XPNPEP2: variants seen among roughly 807,000 people sequenced by gnomAD.
XPNPEP2 encodes X-prolyl aminopeptidase 2, also known as xaa-Pro aminopeptidase 2.
In XPNPEP2, 64 loss-of-function variants were observed where a neutral mutation model predicts 59.8. The ratio of observed to expected loss-of-function variants is 1.07; its 90% CI spans 0.87 to 1.32. XPNPEP2 has a LOEUF of 1.32. XPNPEP2 is among the 40% of genes most tolerant of loss of function. The pLI, the probability that XPNPEP2 is intolerant of heterozygous loss-of-function variation, is 0.00. For synonymous variants in XPNPEP2, 235 were observed against 210.0 expected (o/e 1.12, Z -1.03); for missense variants, 575 against 546.8 (o/e 1.05, Z -0.51).
rs1412021009 is a variant in XPNPEP2, at chrX:129,769,165, G to T, written c.*680G>T. On this transcript the variant is annotated 3_prime_UTR_variant, in exon 21 of 21. Transcript: ENST00000371106. ...TATTCTAGACTTCCCTGGCATTCGA[G>T]GAGCCCTTTGAACTTTCCAAAGTGC... 8.9e-6 allele frequency: 1 copy of T among 112,513 alleles called. No individual in the cohort carries two copies. Among genetic ancestry groups the T allele is most frequent in the Non-Finnish European group, 1.9e-5 (1 of 53,288 alleles). The allele number at this position is 112,513 out of a possible 1,213,427, so 9.3% of individuals were successfully genotyped here.
Position 129,754,475 on chromosome X carries a change from C to A in XPNPEP2, c.1111C>A (p.Arg371=). Residue 371 remains arginine, a synonymous_variant, in exon 12 of 21, where the codon CGG becomes AGG. Coordinates refer to ENST00000371106, the MANE Select transcript of XPNPEP2 (RefSeq NM_003399.6). ...TTCCCTGCTTCCCCAACTCCAGGTG[C>A]GGGACGCTGTGGCTGTGATCCGGTA... ...EQALLKASHV[R]DAVAVIRYLV... is the part of the protein sequence containing the mutation. 3.4e-6 allele frequency: 4 copies of A among 1,179,216 alleles called. No individual in the cohort carries two copies. The highest frequency in any genetic ancestry group is 4.5e-6 in the Non-Finnish European group (4 of 880,058).
chrX:129,759,134 G>T, intron 14 of XPNPEP2, 46 bp from the exon 15 acceptor site: 1 of 1,206,453 alleles, frequency 8.3e-7, no homozygotes, highest in Non-Finnish European at 1.1e-6. Context: ...CATGGCCCCA[G>T]TCCCTAGCCC....
rs146003669 is a variant in XPNPEP2 at position 129,762,209 on chromosome X, C to T, written c.1663+144C>T. 281 of 603,166 alleles carry T rather than the reference C, an allele frequency of 4.7e-4. 1 individual carries two copies. The highest frequency in any genetic ancestry group is 3.7e-3 in the African/African-American group (169 of 45,172). The allele number at this position is 603,166 out of a possible 1,213,427, so 49.7% of individuals were successfully genotyped here. A position where few individuals can be genotyped will look rare whatever the true frequency, so the allele number is the denominator to read the frequency against. On this transcript the variant is annotated intron_variant, in intron 18 of 20. Coordinates refer to ENST00000371106, the MANE Select transcript of XPNPEP2 (RefSeq NM_003399.6). ...ACTCACCTCCCCATTCCCACCGCTA[C>T]GCCCAGCCCCAAATGGCTTGTCCCA...
chrX:129,763,410 G>A (rs1177218266), intron 19 of XPNPEP2, among the ~76,000 whole-genome samples: 2 of 112,521 alleles, frequency 1.8e-5, no homozygotes, highest in African/African-American at 6.5e-5. Context: ...CCTCATGCCT[G>A]TAATCCCAGC....
intron 15 of XPNPEP2, 82 bp from the exon 16 acceptor site, chrX:129,760,430 C>A (rs767446901): frequency 1.9e-6 from 2 of 1,030,418 alleles, no homozygotes; most frequent in African/African-American, 3.7e-5. Flanking sequence ...GGCCCTGCAC[C>A]GTGTATCCAT....
In XPNPEP2 at chrX:129,768,886, C is replaced by T. The variant is rs942501087; in HGVS notation, c.*401C>T. 3.3e-5 allele frequency: 4 copies of T among 120,123 alleles called. No homozygotes were observed. Among genetic ancestry groups the T allele is most frequent in the Non-Finnish European group, 5.1e-5 (3 of 58,860 alleles). The allele number at this position is 120,123 out of a possible 1,213,427, so 9.9% of individuals were successfully genotyped here. ...CTACCACCCAAGGGTGCCATGGTCC[C>T]GGGAGAGCCCAAACCTATCACCACC... On this transcript the variant is annotated 3_prime_UTR_variant, in exon 21 of 21. Coordinates refer to ENST00000371106, the MANE Select transcript of XPNPEP2 (RefSeq NM_003399.6).
At chrX:129,743,364 G>A (rs1482836311) in intron 2 of XPNPEP2, among the ~76,000 whole-genome samples, 1 of 112,155 alleles carries the variant, frequency 8.9e-6, no homozygotes, top group African/African-American at 3.2e-5. Flanking sequence ...TCTGCCATTT[G>A]GGACCAGTGG....
Position 129,752,132 on chromosome X carries a change from T to G in XPNPEP2, c.822-18T>G. ...TAGCAGATGCTCAGGACCCTCCTTGTCTTCCCACCCCACCCAGGTTGTTTG... is the reference window on the plus strand; with the variant it reads ...TAGCAGATGCTCAGGACCCTCCTTGGCTTCCCACCCCACCCAGGTTGTTTG... On this transcript the variant is annotated intron_variant, in intron 9 of 20. Coordinates refer to ENST00000371106, the MANE Select transcript of XPNPEP2 (RefSeq NM_003399.6). 1 of 1,206,140 alleles carries G rather than the reference T, an allele frequency of 8.3e-7. No homozygotes were observed.
chrX:129,742,040 G>A, intron 1 of XPNPEP2, 68 bp from the exon 2 acceptor site: 1 of 1,074,359 alleles, frequency 9.3e-7, no homozygotes, highest in Admixed American at 2.2e-5. Flanking sequence ...GGGCTGAGAG[G>A]ATACTCCTTC....
chrX:129,751,634 G>A lies in XPNPEP2; in HGVS notation c.740-111G>A, dbSNP rs1198850284. 3.5e-4 allele frequency: 148 copies of A among 419,554 alleles called. 1 individual carries two copies. Among genetic ancestry groups the A allele is most frequent in the Admixed American group, 1.4e-3 (41 of 29,413 alleles). 34.6% of individuals were successfully genotyped at this position (419,554 alleles called of 1,213,427 possible). On this transcript the variant is annotated intron_variant, in intron 8 of 20. Transcript: ENST00000371106. ...AGGAAGGAAGGAAGGAAGGAAGGAA[G>A]GAAGGAAGGGAGGAAGGAAAGAAGG...
intron 3 of XPNPEP2, among the ~76,000 whole-genome samples, chrX:129,744,745 C>A (rs755690851): frequency 8.0e-5 from 9 of 112,432 alleles, no homozygotes; most frequent in African/African-American, 2.3e-4. Context: ...AGATCTATCT[C>A]CAAGGATTAT....
chrX:129,745,176 C>T (rs1031512630), intron 3 of XPNPEP2, 27 bp from the exon 4 acceptor site: 2 of 1,210,251 alleles, frequency 1.7e-6, no homozygotes, highest in Non-Finnish European at 2.2e-6. Context: ...ACGAAAAAGG[C>T]TAATGATGGT....
chrX:129,761,241 G>T lies in XPNPEP2; in HGVS notation c.1568G>T (p.Gly523Val). Residue 523 changes from glycine to valine, a missense_variant, in exon 17 of 21, where the codon GGC becomes GTC. Coordinates refer to ENST00000371106, the MANE Select transcript of XPNPEP2 (RefSeq NM_003399.6). ...GGTCTCAATTATGGTCATGGGACAG[G>T]CCACGGCATTGGCAACTTCCTGTGT... ...DAGLNYGHGT[G>V]HGIGNFLCVH... 2 of 1,212,089 alleles carry T rather than the reference G, an allele frequency of 1.7e-6. No homozygotes were observed. The highest frequency in any genetic ancestry group is 2.2e-6 in the Non-Finnish European group (2 of 895,560).
In XPNPEP2 at chrX:129,768,217, G is replaced by C. The variant is rs958865180; in HGVS notation, c.1831-74G>C. ...TGACAGCTGGAGTACCACAACAGGG[G>C]ACTGGGCGTCACCAAGACTTCACCT... is the stretch of plus-strand genomic sequence containing the variant. On this transcript the variant is annotated intron_variant, in intron 20 of 20. Coordinates refer to ENST00000371106, the MANE Select transcript of XPNPEP2 (RefSeq NM_003399.6). 2.1e-5 allele frequency: 22 copies of C among 1,030,168 alleles called. No individual in the cohort carries two copies. The Admixed American group carries it at 2.6e-4, about 12-fold the overall frequency. 84.9% of individuals were successfully genotyped at this position (1,030,168 alleles called of 1,213,427 possible). A position where few individuals can be genotyped will look rare whatever the true frequency, so the allele number is the denominator to read the frequency against.
chrX:129,742,838 G>C (rs1388537100), intron 2 of XPNPEP2, among the ~76,000 whole-genome samples: 1 of 112,114 alleles, frequency 8.9e-6, no homozygotes, highest in Non-Finnish European at 1.9e-5. Flanking sequence ...GGAAGCAGAG[G>C]TTGCAGTGAG....
At chrX:129,740,349 G>A (rs1926149119) in intron 1 of XPNPEP2, among the ~76,000 whole-genome samples, 1 of 112,733 alleles carries the variant, frequency 8.9e-6, no homozygotes, top group Admixed American at 9.4e-5. Flanking sequence ...AAGTGTGGCT[G>A]GGCGTGGTGG....
intron 13 of XPNPEP2, 31 bp from the exon 14 acceptor site, chrX:129,756,453 T>C: frequency 8.3e-7 from 1 of 1,206,721 alleles, no homozygotes. Flanking sequence ...AGGGTTAGGC[T>C]GCCCTTCTCA....
At chrX:129,752,105 C>T (rs747000784) in intron 9 of XPNPEP2, 45 bp from the exon 10 acceptor site, 1 of 1,174,116 alleles carries the variant, frequency 8.5e-7, no homozygotes, top group Non-Finnish European at 1.2e-6. Flanking sequence ...CCTTTGCATC[C>T]TTAGCAGATG....
chrX:129,768,428 C>T lies in XPNPEP2; in HGVS notation c.1968C>T (p.Ala656=), dbSNP rs764561337. The part of the protein sequence containing the change: ...EPLAARAPDT[A]SWASVLVVST... ...TGGCCGCCAGGGCCCCAGACACCGCCTCCTGGGCCTCTGTGTTAGTGGTCT... is the reference window on the plus strand; with the variant it reads ...TGGCCGCCAGGGCCCCAGACACCGCTTCCTGGGCCTCTGTGTTAGTGGTCT... Residue 656 remains alanine (A), a synonymous_variant, in exon 21 of 21, where the codon GCC becomes GCT. Transcript: ENST00000371106. 1.2e-5 allele frequency: 14 copies of T among 1,203,072 alleles called. No individual in the cohort carries two copies. Among genetic ancestry groups the T allele is most frequent in the Non-Finnish European group, 1.5e-5 (13 of 892,415 alleles).
Sources: allele counts gnomAD v4.1 joint callset (sites outside exome capture counted in the v4.1 genomes callset), GRCh38; gene constraint gnomAD v4.1.1; transcripts MANE v1.5; gene names NCBI Gene and HGNC (gene_info 2026-07-23, HGNC 2026-07-21).